The following TMEM178B variants were observed in gnomAD, a reference collection of about 807,000 sequenced individuals.
TMEM178B encodes the protein transmembrane protein 178B.
In TMEM178B, 5 loss-of-function variants were observed where a neutral mutation model predicts 31.0. The observed-to-expected ratio is 0.16, with a 90% CI of 0.08 to 0.34. The LOEUF (loss-of-function observed/expected upper bound fraction) is 0.34. Ranked by LOEUF, TMEM178B falls within the 10% of genes least tolerant of loss-of-function variation. The pLI is 1.00. For synonymous variants in TMEM178B, 164 were observed against 164.0 expected (o/e 1.00, Z 0.00); for missense variants, 275 against 400.3 (o/e 0.69, Z 2.67).
Position 141,477,834 on chromosome 7 carries a change from T to G in TMEM178B, c.*7048T>G, listed in dbSNP as rs1479212272. 6.6e-6 allele frequency: 1 copy of G among 152,208 alleles called. No individual in the cohort carries two copies. Among genetic ancestry groups the G allele is most frequent in the Non-Finnish European group, 1.5e-5 (1 of 68,056 alleles). 9.4% of individuals were successfully genotyped at this position (152,208 alleles called of 1,614,324 possible). On this transcript the variant is annotated 3_prime_UTR_variant, in exon 4 of 4. Coordinates refer to ENST00000565468, the MANE Select transcript of TMEM178B (RefSeq NM_001195278.2). ...TACTCCTGGCCTCTGCTTTCGCCCC[T>G]CAGAAAGTGACCTTGAGCTAGCAGC... is the stretch of plus-strand genomic sequence containing the variant.
rs146395509 is a variant in TMEM178B, at chr7:141,344,829, G to A, written c.497-92779G>A. 3.2e-4 allele frequency among the ~76,000 whole-genome samples: 48 copies of A among 152,274 alleles called. No individual in the cohort carries two copies. In the East Asian group the frequency reaches 9.1e-3, roughly 29 times the overall value. The stretch of plus-strand genomic sequence containing the variant: ...TCAGAACGAGCTGTCTGTTAACTGT[G>A]GCTCTGCCACCGGCTGGCTGTGGAA... On this transcript the variant is annotated intron_variant, in intron 2 of 3. Transcript: ENST00000565468. The surrounding 1 kb of genome is among the most constrained non-coding windows in gnomAD (Gnocchi z 4.1).
chr7:141,233,956 T>G (rs1472330226), intron 2 of TMEM178B, among the ~76,000 whole-genome samples: 1 of 152,214 alleles, frequency 6.6e-6, no homozygotes, highest in African/African-American at 2.4e-5. Context: ...ATTTAAAGAT[T>G]ATTCCTTTGT....
chr7:141,272,685 C>G (rs528311482), intron 2 of TMEM178B, among the ~76,000 whole-genome samples: 1 of 152,214 alleles, frequency 6.6e-6, no homozygotes, highest in African/African-American at 2.4e-5. Flanking sequence ...CACATCAGCC[C>G]GTGGGCTGCC....
intron 2 of TMEM178B, among the ~76,000 whole-genome samples, chr7:141,380,754 T>C (rs1191345871): frequency 1.3e-5 from 2 of 152,216 alleles, no homozygotes; most frequent in African/African-American, 2.4e-5. Flanking sequence ...ATTATTCATA[T>C]AGGTTACAGT....
intron 2 of TMEM178B, among the ~76,000 whole-genome samples, chr7:141,272,093 C>T (rs189139725): frequency 3.2e-4 from 48 of 152,266 alleles, no homozygotes; most frequent in African/African-American, 1.0e-3. Context: ...TCATATAGCT[C>T]AGGTAGCACA....
At chr7:141,175,464 T>G (rs1796418443) in intron 1 of TMEM178B, among the ~76,000 whole-genome samples, 1 of 152,228 alleles carries the variant, frequency 6.6e-6, no homozygotes. Context: ...TGGTTCCATA[T>G]GAAATTTAAA....
At chr7:141,343,131 G>A (rs191228821) in intron 2 of TMEM178B, among the ~76,000 whole-genome samples, 71 of 152,296 alleles carry the variant, frequency 4.7e-4, no homozygotes, top group African/African-American at 1.5e-3. Context: ...CTGCTGGTCC[G>A]GGGACTGCAT....
rs1802416383 is a variant in TMEM178B, at chr7:141,478,620, CAT to C, written c.*7835_*7836del. ...ATTTTTAGACTACATTTTAACCTAA[CAT>C]GTCAAAAATAGTATCACTTCAGCAT... On this transcript the variant is annotated 3_prime_UTR_variant, in exon 4 of 4. Transcript: ENST00000565468. The C allele has an allele frequency of 6.6e-6, 1 of 152,204 alleles. No homozygotes were observed. The highest frequency in any genetic ancestry group is 1.5e-5 in the Non-Finnish European group (1 of 68,024). The allele number at this position is 152,204 out of a possible 1,614,324, so 9.4% of individuals were successfully genotyped here. A position where few individuals can be genotyped will look rare whatever the true frequency, so the allele number is the denominator to read the frequency against.
intron 2 of TMEM178B, among the ~76,000 whole-genome samples, chr7:141,252,698 A>G (rs1204357874): frequency 6.6e-6 from 1 of 152,220 alleles, no homozygotes; most frequent in Non-Finnish European, 1.5e-5. Flanking sequence ...CAGCTCCTGG[A>G]TCTACATAAC....
intron 1 of TMEM178B, among the ~76,000 whole-genome samples, chr7:141,147,388 G>A (rs142147134): frequency 5.3e-5 from 8 of 152,090 alleles, no homozygotes; most frequent in East Asian, 1.9e-4. Flanking sequence ...CTTGTAAGCC[G>A]TGTTTAGCAA....
intron 1 of TMEM178B, among the ~76,000 whole-genome samples, chr7:141,092,357 A>G (rs1794895305): frequency 6.6e-6 from 1 of 152,182 alleles, no homozygotes; most frequent in Non-Finnish European, 1.5e-5. Context: ...AGAAGATAGC[A>G]TGAACCTCCT....
chr7:141,472,626 T>C lies in TMEM178B; in HGVS notation c.*1840T>C, dbSNP rs1366720431. On this transcript the variant is annotated 3_prime_UTR_variant, in exon 4 of 4. Coordinates refer to ENST00000565468, the MANE Select transcript of TMEM178B (RefSeq NM_001195278.2). ...CCCCTTGTTTCATAAACAAATATGCTTTGGGAGCTTTGCCAGGCACTCAGC... is the reference window on the plus strand; with the variant it reads ...CCCCTTGTTTCATAAACAAATATGCCTTGGGAGCTTTGCCAGGCACTCAGC... 1.3e-5 allele frequency: 2 copies of C among 152,162 alleles called. No individual in the cohort carries two copies. The highest frequency in any genetic ancestry group is 6.5e-5 in the Admixed American group (1 of 15,280). The allele number at this position is 152,162 out of a possible 1,614,324, so 9.4% of individuals were successfully genotyped here.
At chr7:141,129,924 G>C (rs562821477) in intron 1 of TMEM178B, among the ~76,000 whole-genome samples, 1 of 152,286 alleles carries the variant, frequency 6.6e-6, no homozygotes, top group Non-Finnish European at 1.5e-5. Flanking sequence ...AAAGACCTGG[G>C]ATCAATAGAA....
chr7:141,391,454 C>T (rs1025480904), intron 2 of TMEM178B, among the ~76,000 whole-genome samples: 8 of 152,230 alleles, frequency 5.3e-5, no homozygotes, highest in African/African-American at 1.9e-4. Flanking sequence ...GCCACCACAT[C>T]CGGCCTCTTT....
At chr7:141,197,449 T>C (rs1470547326) in intron 1 of TMEM178B, among the ~76,000 whole-genome samples, 1 of 152,208 alleles carries the variant, frequency 6.6e-6, no homozygotes, top group Admixed American at 6.5e-5. Flanking sequence ...TGTTTTTGAA[T>C]TTCATTGCAA....
intron 2 of TMEM178B, among the ~76,000 whole-genome samples, chr7:141,230,212 T>G (rs114951837): frequency 0.012 from 1,847 of 152,294 alleles, 47 homozygotes; most frequent in African/African-American, 0.042. Flanking sequence ...ATAATTTGTT[T>G]AGGATAAATG....
chr7:141,311,105 A>T (rs543338283), intron 2 of TMEM178B, among the ~76,000 whole-genome samples: 5 of 152,334 alleles, frequency 3.3e-5, no homozygotes, highest in Admixed American at 6.5e-5. Flanking sequence ...CAATGAGAAC[A>T]CATGGACACA....
At position 141,111,006 on chromosome 7, in the gene TMEM178B, G is replaced by A. The variant is rs372999159; in HGVS notation, c.382+36314G>A. ...GATCTCAGACTTCCAGAAATGAGAGGAAGTAAACATCTGTTGTTTAAGCCA... is the reference window on the plus strand; with the variant it reads ...GATCTCAGACTTCCAGAAATGAGAGAAAGTAAACATCTGTTGTTTAAGCCA... On this transcript the variant is annotated intron_variant, in intron 1 of 3. Coordinates refer to ENST00000565468, the MANE Select transcript of TMEM178B (RefSeq NM_001195278.2). Among the ~76,000 whole-genome samples the A allele has an allele frequency of 3.8e-4, 58 of 152,356 alleles. No homozygotes were observed. In the South Asian group the frequency reaches 5.8e-3, roughly 15 times the overall value.
intron 2 of TMEM178B, among the ~76,000 whole-genome samples, chr7:141,412,197 C>G (rs780701003): frequency 6.6e-6 from 1 of 152,152 alleles, no homozygotes; most frequent in Non-Finnish European, 1.5e-5. Flanking sequence ...GACAATTAAA[C>G]GAGTTAAATG....
Sources: gnomAD v4.1 joint callset for allele counts (sites outside exome capture counted in the v4.1 genomes callset) on GRCh38, gnomAD v4.1.1 for gene constraint, Gnocchi (gnomAD v3.1) non-coding constraint, MANE v1.5 for transcripts, NCBI Gene and HGNC (gene_info 2026-07-23, HGNC 2026-07-21) for gene names.